PARD3B: variants seen among roughly 807,000 people sequenced by gnomAD.
The protein encoded by PARD3B is par-3 family cell polarity regulator beta.
In PARD3B, 103 loss-of-function variants were observed where a neutral mutation model predicts 130.2. The ratio of observed to expected loss-of-function variants is 0.79; its 90% confidence interval spans 0.67 to 0.93. PARD3B has a LOEUF of 0.93. Ranked by LOEUF, PARD3B falls within the 40% of genes least tolerant of loss-of-function variation. The probability of loss-of-function intolerance (pLI) is 0.00; values close to 1 mark genes in which losing one functional copy is unlikely to be tolerated. For missense variants in PARD3B, 1,609 were observed against 1,499.2 expected (o/e 1.07, Z -1.21); for synonymous variants, 583 against 553.2 (o/e 1.05, Z -0.76).
intron 4 of PARD3B, among the ~76,000 whole-genome samples, chr2:205,057,062 A>G (rs1354815627): frequency 6.6e-6 from 1 of 151,272 alleles, no homozygotes; most frequent in Non-Finnish European, 1.5e-5. Context: ...TTTTATTTGC[A>G]TAGTCTCATA....
rs540438811 is a variant in PARD3B, at chr2:205,472,949, A to G, written c.3045-26947A>G. ...AGGAATGGCAATGGAGGACCAATAA[A>G]TAAGTGAATGAATAAATGAATGAAT... is the stretch of plus-strand genomic sequence containing the variant. On this transcript the variant is annotated intron_variant, in intron 20 of 22. Coordinates refer to ENST00000406610, the MANE Select transcript of PARD3B (RefSeq NM_001302769.2). Among the ~76,000 whole-genome samples the G allele has an allele frequency of 2.0e-5, 3 of 152,288 alleles. No individual in the cohort carries two copies. In the South Asian group the frequency reaches 6.2e-4, roughly 32 times the overall value.
chr2:204,896,402 G>C (rs550051131), intron 2 of PARD3B, among the ~76,000 whole-genome samples: 2 of 152,270 alleles, frequency 1.3e-5, no homozygotes, highest in East Asian at 3.9e-4. Context: ...AAGGGCTCTG[G>C]AGTTAAGCTA....
rs183283453 is a variant in PARD3B at position 204,630,817 on chromosome 2, C to A, written c.121-55364C>A. Among the ~76,000 whole-genome samples the A allele has an allele frequency of 3.4e-3, 519 of 152,198 alleles. 2 individuals carry two copies. Among genetic ancestry groups the A allele is most frequent in the Non-Finnish European group, 5.2e-3 (356 of 67,980 alleles). Reference sequence around the variant, plus strand: ...CTGTGGGGTCAGTGATAATATCCCACTTATCATTTCTGATTGTGTTTATTT... The same window carrying A: ...CTGTGGGGTCAGTGATAATATCCCAATTATCATTTCTGATTGTGTTTATTT... On this transcript the variant is annotated intron_variant, in intron 1 of 22. Transcript: ENST00000406610.
At chr2:205,303,111 G>A (rs1312612569) in intron 18 of PARD3B, among the ~76,000 whole-genome samples, 4 of 152,044 alleles carry the variant, frequency 2.6e-5, no homozygotes, top group African/African-American at 7.2e-5. Flanking sequence ...TTTGTCGGGG[G>A]CTAAAATATG....
chr2:205,110,252 G>C (rs1703536078), intron 5 of PARD3B, among the ~76,000 whole-genome samples: 1 of 152,146 alleles, frequency 6.6e-6, no homozygotes, highest in Non-Finnish European at 1.5e-5. Flanking sequence ...AACATCTGCA[G>C]CTTCTATTGT....
intron 20 of PARD3B, among the ~76,000 whole-genome samples, chr2:205,496,086 T>C (rs890949136): frequency 1.3e-5 from 2 of 152,150 alleles, no homozygotes; most frequent in African/African-American, 4.8e-5. Flanking sequence ...AAAGTATATA[T>C]AGATATATTT....
intron 22 of PARD3B, among the ~76,000 whole-genome samples, chr2:205,569,353 T>C (rs928287901): frequency 6.6e-6 from 1 of 152,200 alleles, no homozygotes; most frequent in African/African-American, 2.4e-5. Flanking sequence ...TCTATAATTT[T>C]TATATGTTAA....
At chr2:204,731,464 G>A (rs1462817116) in intron 2 of PARD3B, among the ~76,000 whole-genome samples, 2 of 152,174 alleles carry the variant, frequency 1.3e-5, no homozygotes, top group Non-Finnish European at 2.9e-5. Flanking sequence ...GTGATAGAAG[G>A]TTTATAAATG....
intron 15 of PARD3B, among the ~76,000 whole-genome samples, chr2:205,212,250 C>T (rs11904275): frequency 0.17 from 25,591 of 151,878 alleles, 2,509 homozygotes; most frequent in African/African-American, 0.27. Flanking sequence ...ATAAAAGTCT[C>T]GGAAATGCTG....
At chr2:205,371,716 A>C (rs849203) in intron 18 of PARD3B, among the ~76,000 whole-genome samples, 18,800 of 152,182 alleles carry the variant, frequency 0.12, 1,247 homozygotes, top group Middle Eastern at 0.14. Context: ...GTTTTTATTA[A>C]GATATAATTC....
At chr2:205,218,093 A>G (rs1169382462) in intron 15 of PARD3B, among the ~76,000 whole-genome samples, 1 of 151,542 alleles carries the variant, frequency 6.6e-6, no homozygotes, top group Middle Eastern at 3.2e-3. Flanking sequence ...GGGTTTCACC[A>G]TGTTGGTCAG....
intron 19 of PARD3B, among the ~76,000 whole-genome samples, chr2:205,429,980 T>A (rs2047274081): frequency 6.6e-6 from 1 of 152,240 alleles, no homozygotes; most frequent in Non-Finnish European, 1.5e-5. Flanking sequence ...TCTCTGGCTC[T>A]TCTCTTCCGT....
At chr2:205,409,837 T>C (rs1364098024) in intron 19 of PARD3B, among the ~76,000 whole-genome samples, 1 of 152,208 alleles carries the variant, frequency 6.6e-6, no homozygotes, top group Non-Finnish European at 1.5e-5. Context: ...AAAGGAATTA[T>C]ACTGAATTAC....
intron 2 of PARD3B, among the ~76,000 whole-genome samples, chr2:204,717,282 T>G (rs559448002): frequency 6.6e-6 from 1 of 152,346 alleles, no homozygotes; most frequent in African/African-American, 2.4e-5. Flanking sequence ...ATTAAAATAT[T>G]TTTAACTCTT....
intron 3 of PARD3B, among the ~76,000 whole-genome samples, chr2:205,029,058 T>G (rs751364112): frequency 6.6e-6 from 1 of 152,138 alleles, no homozygotes; most frequent in Non-Finnish European, 1.5e-5. Flanking sequence ...AAAATCTGAT[T>G]TATTTTGTGT....
intron 20 of PARD3B, among the ~76,000 whole-genome samples, chr2:205,447,323 G>C (rs1482936404): frequency 6.6e-6 from 1 of 152,158 alleles, no homozygotes; most frequent in African/African-American, 2.4e-5. Flanking sequence ...CAGTTCCTGG[G>C]GCAGTCTGTC....
intron 10 of PARD3B, among the ~76,000 whole-genome samples, chr2:205,136,723 A>T (rs2032517307): frequency 6.6e-6 from 1 of 152,226 alleles, no homozygotes. Flanking sequence ...AAAAACGGCC[A>T]CCCAAAACAT....
chr2:204,701,558 C>G (rs1359981811), intron 2 of PARD3B, among the ~76,000 whole-genome samples: 1 of 152,038 alleles, frequency 6.6e-6, no homozygotes, highest in African/African-American at 2.4e-5. Context: ...AAAGGCAAAT[C>G]TAACTTTTTT....
At chr2:204,806,327 A>G (rs2042767822) in intron 2 of PARD3B, among the ~76,000 whole-genome samples, 1 of 152,236 alleles carries the variant, frequency 6.6e-6, no homozygotes, top group South Asian at 2.1e-4. Context: ...GAACCTAGAA[A>G]GAAATCCACA....
Sources: gnomAD v4.1 joint callset for allele counts (sites outside exome capture counted in the v4.1 genomes callset) on GRCh38, gnomAD v4.1.1 for gene constraint, MANE v1.5 for transcripts, NCBI Gene and HGNC (gene_info 2026-07-23, HGNC 2026-07-21) for gene names.